Variants in SUGCT observed in about 807,000 individuals in gnomAD.
SUGCT encodes the protein succinyl-CoA:glutarate-CoA transferase.
In SUGCT, 41 loss-of-function variants were observed where a neutral mutation model predicts 55.0. That is an observed-to-expected ratio of 0.74 (90% CI 0.58 to 0.97). SUGCT has a LOEUF of 0.97. Ranked by LOEUF, SUGCT falls within the 50% of genes least tolerant of loss-of-function variation. SUGCT has a pLI of 0.00. For synonymous variants in SUGCT, 187 were observed against 200.4 expected, an observed-to-expected ratio of 0.93 and a Z score of 0.56; for missense variants, 568 against 547.8, an observed-to-expected ratio of 1.04 and a Z score of -0.37.
At chr7:40,779,766 G>A (rs1789640434) in intron 13 of SUGCT, among the ~76,000 whole-genome samples, 1 of 152,150 alleles carries the variant, frequency 6.6e-6, no homozygotes, top group Non-Finnish European at 1.5e-5. Context: ...GGGGTTTGCT[G>A]CCATAATTAA....
intron 12 of SUGCT, among the ~76,000 whole-genome samples, chr7:40,595,466 C>T (rs1016471886): frequency 3.3e-5 from 5 of 152,120 alleles, no homozygotes; most frequent in African/African-American, 1.2e-4. Flanking sequence ...ATTTAATTGA[C>T]ACGTTGTCAT....
chr7:40,703,713 T>C (rs1006637530), intron 12 of SUGCT, among the ~76,000 whole-genome samples: 1 of 152,222 alleles, frequency 6.6e-6, no homozygotes, highest in Admixed American at 6.5e-5. Context: ...TGGGCATATA[T>C]ACAAGACCTT....
At chr7:40,552,183 T>A (rs1235544691) in intron 12 of SUGCT, among the ~76,000 whole-genome samples, 1 of 152,130 alleles carries the variant, frequency 6.6e-6, no homozygotes, top group East Asian at 1.9e-4. Context: ...CAGGCGGTGG[T>A]TTAGTGCAGC....
chr7:40,553,893 G>T lies in SUGCT; in HGVS notation c.1089+57507G>T, dbSNP rs183651296. Among the ~76,000 whole-genome samples the T allele has an allele frequency of 2.2e-4, 34 of 152,306 alleles. No homozygotes were observed. In the East Asian group the frequency reaches 4.6e-3, roughly 21 times the overall value. On this transcript the variant is annotated intron_variant, in intron 12 of 13. Coordinates refer to ENST00000335693, the MANE Select transcript of SUGCT (RefSeq NM_001193313.2). Reference sequence around the variant, plus strand: ...ACAACTCAGATCAGATCTTCCCAGTGGGCTAACCTGGCACCTAACTTCTTC... The same window carrying T: ...ACAACTCAGATCAGATCTTCCCAGTTGGCTAACCTGGCACCTAACTTCTTC...
At chr7:40,967,709 C>T in the SUGCT span, among the ~76,000 whole-genome samples, 1 of 152,064 alleles carries the variant, frequency 6.6e-6, no homozygotes, top group African/African-American at 2.4e-5. Flanking sequence ...CAAGCTCCGC[C>T]TCCCGGGTTC....
chr7:40,239,153 C>T (rs1250440439), intron 7 of SUGCT, among the ~76,000 whole-genome samples: 1 of 151,942 alleles, frequency 6.6e-6, no homozygotes, highest in African/African-American at 2.4e-5. Context: ...GTGCAGCCTC[C>T]GTGGCACACT....
chr7:40,520,501 G>A (rs778245124), intron 12 of SUGCT, among the ~76,000 whole-genome samples: 10 of 152,100 alleles, frequency 6.6e-5, no homozygotes, highest in Non-Finnish European at 1.3e-4. Context: ...AAAGAACTCT[G>A]TTAATGTATT....
chr7:40,834,065 T>C (rs1792833524), intron 13 of SUGCT, among the ~76,000 whole-genome samples: 1 of 152,182 alleles, frequency 6.6e-6, no homozygotes. Context: ...ACCTCCCTAG[T>C]CATCTTAAAC....
intron 12 of SUGCT, among the ~76,000 whole-genome samples, chr7:40,552,989 G>C (rs562467343): frequency 6.6e-5 from 10 of 152,214 alleles, no homozygotes; most frequent in Admixed American, 1.3e-4. Context: ...CTAAAGAATG[G>C]GAGTGAATGA....
At chr7:40,951,366 C>T in the SUGCT span, among the ~76,000 whole-genome samples, 4 of 151,878 alleles carry the variant, frequency 2.6e-5, no homozygotes, top group Non-Finnish European at 5.9e-5. Flanking sequence ...ATTAGTCTTG[C>T]TAGCGTTCTA....
At chr7:40,546,320 C>T (rs560589073) in intron 12 of SUGCT, among the ~76,000 whole-genome samples, 3 of 152,250 alleles carry the variant, frequency 2.0e-5, no homozygotes, top group East Asian at 1.9e-4. Context: ...TAATTATACT[C>T]ATAAATTGGC....
At chr7:40,770,465 C>A (rs369616283) in intron 13 of SUGCT, among the ~76,000 whole-genome samples, 3 of 152,060 alleles carry the variant, frequency 2.0e-5, no homozygotes, top group East Asian at 1.9e-4. Flanking sequence ...CTTGGGTCAT[C>A]ATATCTATGT....
At position 40,188,479 on chromosome 7, in the gene SUGCT, A is replaced by T. The variant is rs78060149; in HGVS notation, c.227-16A>T. On this transcript the variant is annotated splice_polypyrimidine_tract_variant and intron_variant, in intron 3 of 13. Transcript: ENST00000335693. Reference sequence around the variant, plus strand: ...AACAAACCCCAAAGATTAATAGCTCATGTTATTATTTTCAGGAGCTGGTGA... The same window carrying T: ...AACAAACCCCAAAGATTAATAGCTCTTGTTATTATTTTCAGGAGCTGGTGA... 0.14 allele frequency: 202,180 copies of T among 1,476,716 alleles called. 18,295 individuals carry two copies. The highest frequency in any genetic ancestry group is 0.41 in the East Asian group (17,538 of 43,280). 91.5% of individuals were successfully genotyped at this position (1,476,716 alleles called of 1,614,324 possible).
At chr7:40,570,656 T>C (rs1009120969) in intron 12 of SUGCT, among the ~76,000 whole-genome samples, 2 of 152,288 alleles carry the variant, frequency 1.3e-5, no homozygotes, top group African/African-American at 4.8e-5. Flanking sequence ...GCTTCCTTCA[T>C]TGTTGTTAAT....
chr7:40,218,720 A>G (rs1388580736), intron 6 of SUGCT, among the ~76,000 whole-genome samples: 1 of 152,110 alleles, frequency 6.6e-6, no homozygotes, highest in African/African-American at 2.4e-5. Flanking sequence ...AGGTTTGTAA[A>G]TGCACCAATC....
intron 8 of SUGCT, among the ~76,000 whole-genome samples, chr7:40,295,686 T>C (rs1794090509): frequency 1.3e-5 from 2 of 152,354 alleles, no homozygotes; most frequent in South Asian, 4.1e-4. Flanking sequence ...TTGGCCATAA[T>C]GTTGTGGCTT....
At chr7:40,329,144 T>C (rs1057123723) in intron 9 of SUGCT, among the ~76,000 whole-genome samples, 3 of 152,152 alleles carry the variant, frequency 2.0e-5, no homozygotes, top group Non-Finnish European at 2.9e-5. Flanking sequence ...ACCAACACAG[T>C]ACCCTGATAG....
intron 13 of SUGCT, among the ~76,000 whole-genome samples, chr7:40,814,116 G>C (rs1289679844): frequency 2.6e-5 from 4 of 152,126 alleles, no homozygotes; most frequent in African/African-American, 4.8e-5. Context: ...TTGTAAGTGA[G>C]CTGCTTTTAA....
chr7:40,245,583 G>A (rs1392481065), intron 7 of SUGCT, among the ~76,000 whole-genome samples: 1 of 147,734 alleles, frequency 6.8e-6, no homozygotes, highest in Non-Finnish European at 1.5e-5. Context: ...GGGACTACAG[G>A]GGCCCACCAC....
Sources: allele counts gnomAD v4.1 joint callset (sites outside exome capture counted in the v4.1 genomes callset), GRCh38; gene constraint gnomAD v4.1.1; transcripts MANE v1.5; gene names NCBI Gene and HGNC (gene_info 2026-07-23, HGNC 2026-07-21).